Variants in NCOA2 observed in about 807,000 individuals in gnomAD.
NCOA2 encodes class E basic helix-loop-helix protein 75.
In NCOA2, 21 loss-of-function variants were observed where a neutral mutation model predicts 145.1. The ratio of observed to expected loss-of-function variants is 0.14; its 90% CI spans 0.10 to 0.21. NCOA2 has a LOEUF of 0.21. Among genes scored for constraint, NCOA2 ranks in the 10% least tolerant of loss-of-function variants. The pLI, the probability that NCOA2 is intolerant of heterozygous loss-of-function variation, is 1.00. For synonymous variants in NCOA2, 619 were observed against 637.5 expected (o/e 0.97, Z 0.44); for missense variants, 1,472 against 1,837.6 (o/e 0.80, Z 3.64).
intron 2 of NCOA2, among the ~76,000 whole-genome samples, chr8:70,219,690 A>AG (rs917513880): frequency 3.3e-5 from 5 of 151,742 alleles, no homozygotes; most frequent in South Asian, 2.1e-4. Flanking sequence ...AGGAGGGTGG[A>AG]GGGGGGGCAG....
chr8:70,365,767 C>T (rs1810634929), intron 1 of NCOA2, among the ~76,000 whole-genome samples: 1 of 152,090 alleles, frequency 6.6e-6, no homozygotes, highest in Non-Finnish European at 1.5e-5. Context: ...GAAAACACTG[C>T]TCTAAGTTCT....
At chr8:70,447,233 G>A in the NCOA2 span, among the ~76,000 whole-genome samples, 3 of 152,098 alleles carry the variant, frequency 2.0e-5, no homozygotes, top group Non-Finnish European at 4.4e-5. Flanking sequence ...TTTCCCTGTC[G>A]TTTCTCCTTA....
At chr8:70,391,828 C>T (rs1167417385) in intron 1 of NCOA2, among the ~76,000 whole-genome samples, 1 of 152,126 alleles carries the variant, frequency 6.6e-6, no homozygotes, top group African/African-American at 2.4e-5. Context: ...ATTTTGGGGA[C>T]AGCTTGAAAA....
chr8:70,342,383 CA>C (rs1808214994), intron 1 of NCOA2, among the ~76,000 whole-genome samples: 1 of 152,092 alleles, frequency 6.6e-6, no homozygotes, highest in South Asian at 2.1e-4. Flanking sequence ...TTGAAGTTTT[CA>C]GAAAATTCAA....
chr8:70,287,018 G>A (rs181041087), intron 2 of NCOA2, among the ~76,000 whole-genome samples: 78 of 152,178 alleles, frequency 5.1e-4, no homozygotes, highest in Middle Eastern at 6.8e-3. Context: ...AGAGATGGGC[G>A]GATCACTTGA....
intron 1 of NCOA2, among the ~76,000 whole-genome samples, chr8:70,339,386 G>A (rs1807921851): frequency 6.6e-6 from 1 of 152,014 alleles, no homozygotes; most frequent in African/African-American, 2.4e-5. Flanking sequence ...GGAAGTGAAG[G>A]ACATCTTCAA....
At chr8:70,278,589 T>G (rs1412813630) in intron 2 of NCOA2, among the ~76,000 whole-genome samples, 1 of 152,060 alleles carries the variant, frequency 6.6e-6, no homozygotes, top group Non-Finnish European at 1.5e-5. Context: ...CTCATCTGGA[T>G]CACTTCCACA....
the NCOA2 span, among the ~76,000 whole-genome samples, chr8:70,416,189 TTTTTTG>T: frequency 1.4e-5 from 2 of 139,806 alleles, no homozygotes; most frequent in African/African-American, 5.8e-5. Context: ...GGACCTCAGT[TTTTTTG>T]TTTTTTTTTT....
intron 4 of NCOA2, among the ~76,000 whole-genome samples, chr8:70,191,774 C>G (rs1422693698): frequency 6.6e-6 from 1 of 152,186 alleles, no homozygotes; most frequent in African/African-American, 2.4e-5. Context: ...GGGACGGTGG[C>G]TCATGCCTGT....
intron 1 of NCOA2, among the ~76,000 whole-genome samples, chr8:70,377,139 C>G (rs1299688583): frequency 1.3e-5 from 2 of 150,940 alleles, no homozygotes; most frequent in African/African-American, 4.9e-5. Flanking sequence ...ATTTGTAGGA[C>G]CTATTAATCA....
chr8:70,261,567 T>G (rs963345667), intron 2 of NCOA2, among the ~76,000 whole-genome samples: 2 of 152,022 alleles, frequency 1.3e-5, no homozygotes, highest in Admixed American at 6.6e-5. Context: ...ATTGCGCACA[T>G]GTACCCTAAA....
intron 1 of NCOA2, among the ~76,000 whole-genome samples, chr8:70,374,796 TAA>T (rs543953209): frequency 1.4e-4 from 18 of 133,254 alleles, no homozygotes; most frequent in Admixed American, 2.3e-4. Context: ...GCTGTCTCTT[TAA>T]AAAAAAAAAA....
chr8:70,159,308 T>G (rs925264725), intron 10 of NCOA2, among the ~76,000 whole-genome samples, 197 bp downstream of exon 10: 9 of 143,170 alleles, frequency 6.3e-5, no homozygotes, highest in Non-Finnish European at 1.2e-4. Context: ...GCAGAAGCCA[T>G]GGATACAGAG....
At chr8:70,199,438 T>G (rs1586064659) in intron 4 of NCOA2, among the ~76,000 whole-genome samples, 2 of 123,202 alleles carry the variant, frequency 1.6e-5, no homozygotes, top group South Asian at 2.5e-4. Flanking sequence ...GTTGTCAGAG[T>G]GAGACTCCAT....
intron 2 of NCOA2, among the ~76,000 whole-genome samples, chr8:70,235,611 A>G (rs1356659875): frequency 6.6e-6 from 1 of 152,152 alleles, no homozygotes; most frequent in Admixed American, 6.5e-5. Context: ...TAGGAGGCCA[A>G]GGCAGGAGGA....
chr8:70,186,049 T>C (rs1341298957), intron 4 of NCOA2, among the ~76,000 whole-genome samples: 3 of 152,002 alleles, frequency 2.0e-5, no homozygotes, highest in East Asian at 3.9e-4. Context: ...CACATACAAA[T>C]AATAAACCTA....
chr8:70,439,965 C>A, the NCOA2 span, among the ~76,000 whole-genome samples: 1 of 152,192 alleles, frequency 6.6e-6, no homozygotes, highest in African/African-American at 2.4e-5. Flanking sequence ...AGAGAGCAAT[C>A]TTGCCAAAGA....
At chr8:70,378,798 C>T (rs931988920) in intron 1 of NCOA2, among the ~76,000 whole-genome samples, 8 of 150,566 alleles carry the variant, frequency 5.3e-5, no homozygotes, top group African/African-American at 1.5e-4. Flanking sequence ...ATCAACTCTG[C>T]TAAAAGCAGC....
At chr8:70,342,774 T>TAC (rs370685018) in intron 1 of NCOA2, among the ~76,000 whole-genome samples, 16,816 of 123,928 alleles carry the variant, frequency 0.14, 1,235 homozygotes, top group Middle Eastern at 0.18. Context: ...CTTTTGCAAT[T>TAC]ACACACACAC....
Sources: gnomAD v4.1 joint callset for allele counts (sites outside exome capture counted in the v4.1 genomes callset) on GRCh38, gnomAD v4.1.1 for gene constraint, MANE v1.5 for transcripts, NCBI Gene and HGNC (gene_info 2026-07-23, HGNC 2026-07-21) for gene names.